The following RGS3 variants were observed in gnomAD, a reference collection of about 807,000 sequenced individuals.
RGS3 encodes regulator of G-protein signalling 3.
In RGS3, 80 loss-of-function variants were observed where a neutral mutation model predicts 132.6. The ratio of observed to expected loss-of-function variants is 0.60; its 90% CI spans 0.50 to 0.73. RGS3 has a LOEUF of 0.73. RGS3 is among the 30% of genes least tolerant of loss of function. The pLI is 0.00. For missense variants in RGS3, 1,382 were observed against 1,530.8 expected (o/e 0.90, Z 1.62); for synonymous variants, 598 against 620.6 (o/e 0.96, Z 0.54).
intron 10 of RGS3, chr9:113,501,633 G>A: frequency 1.3e-6 from 2 of 1,561,978 alleles, no homozygotes; most frequent in Non-Finnish European, 1.7e-6. Flanking sequence ...ACCGCCAGGT[G>A]GGTGCTTGGC....
chr9:113,571,204 C>T (rs956867109), intron 19 of RGS3, among the ~76,000 whole-genome samples: 6 of 152,212 alleles, frequency 3.9e-5, no homozygotes, highest in Non-Finnish European at 7.3e-5. Flanking sequence ...AATGGTGCTG[C>T]TATGAATATT....
intron 7 of RGS3, among the ~76,000 whole-genome samples, chr9:113,492,115 C>A (rs1237821387): frequency 6.6e-6 from 1 of 152,148 alleles, no homozygotes; most frequent in Non-Finnish European, 1.5e-5. Flanking sequence ...AATGGTATAA[C>A]CCTGTAACAG....
chr9:113,456,160 A>T (rs1029272973), upstream of RGS3, among the ~76,000 whole-genome samples: 1 of 151,908 alleles, frequency 6.6e-6, no homozygotes, highest in Non-Finnish European at 1.5e-5. Context: ...CTGTTTTTTC[A>T]GTTGGTACTA....
intron 19 of RGS3, among the ~76,000 whole-genome samples, chr9:113,555,151 T>G (rs1373703590): frequency 1.3e-5 from 2 of 152,226 alleles, no homozygotes; most frequent in Non-Finnish European, 2.9e-5. Context: ...CTCTTTGATC[T>G]GTCTATTCCT....
intron 19 of RGS3, among the ~76,000 whole-genome samples, chr9:113,575,232 C>T (rs1362812946): frequency 2.0e-5 from 3 of 152,198 alleles, no homozygotes; most frequent in Non-Finnish European, 2.9e-5. Flanking sequence ...GGAAGGTTTT[C>T]TGAGGGGGCC....
At chr9:113,454,651 A>C (rs536411537) in intron 1 of RGS3, among the ~76,000 whole-genome samples, 2 of 151,240 alleles carry the variant, frequency 1.3e-5, no homozygotes, top group South Asian at 4.2e-4. Flanking sequence ...AAAATCAAAA[A>C]CAGTTTGATC....
At chr9:113,461,891 C>T (rs1564445912) in intron 2 of RGS3, 1 of 1,606,528 alleles carries the variant, frequency 6.2e-7, no homozygotes, top group East Asian at 2.2e-5. Flanking sequence ...ATCACCTTCC[C>T]TTTTCCCTGT....
intron 3 of RGS3, among the ~76,000 whole-genome samples, chr9:113,477,219 A>T: frequency 6.8e-6 from 1 of 148,110 alleles, no homozygotes; most frequent in Non-Finnish European, 1.5e-5. Context: ...AGAGTGCCAT[A>T]ACCCCTGTTA....
intron 19 of RGS3, among the ~76,000 whole-genome samples, chr9:113,554,421 T>G (rs1425696238): frequency 6.6e-6 from 1 of 152,248 alleles, no homozygotes; most frequent in Non-Finnish European, 1.5e-5. Flanking sequence ...TTCTCCTGCC[T>G]CAGCCTCCTG....
chr9:113,489,419 A>G (rs980258109), intron 7 of RGS3, among the ~76,000 whole-genome samples: 1 of 152,186 alleles, frequency 6.6e-6, no homozygotes, highest in African/African-American at 2.4e-5. Flanking sequence ...ATTACGGTAC[A>G]CTTGACCATC....
intron 4 of RGS3, among the ~76,000 whole-genome samples, chr9:113,481,665 C>T (rs531380079): frequency 2.2e-4 from 33 of 152,360 alleles, no homozygotes; most frequent in South Asian, 1.2e-3. Context: ...CCCTTCCCAC[C>T]GGTCCCCACT....
intron 19 of RGS3, among the ~76,000 whole-genome samples, chr9:113,551,190 A>G (rs1336641246): frequency 6.6e-6 from 1 of 152,196 alleles, no homozygotes; most frequent in Non-Finnish European, 1.5e-5. Context: ...AGATTTGCCT[A>G]TATTGGACAT....
At chr9:113,541,868 C>G (rs1832917691) in intron 19 of RGS3, 2 of 986,666 alleles carry the variant, frequency 2.0e-6, no homozygotes, top group Non-Finnish European at 2.4e-6. Flanking sequence ...TTGGCTCATT[C>G]ATTCGATGGA....
intron 20 of RGS3, among the ~76,000 whole-genome samples, chr9:113,587,507 G>A (rs1259150712): frequency 2.6e-5 from 4 of 152,194 alleles, no homozygotes; most frequent in African/African-American, 9.7e-5. Flanking sequence ...CTTATTAATG[G>A]AACACGGAGT....
chr9:113,575,940 G>A (rs59789787), intron 19 of RGS3, among the ~76,000 whole-genome samples: 3 of 152,276 alleles, frequency 2.0e-5, no homozygotes, highest in East Asian at 3.9e-4. Context: ...TGCAGGTTCC[G>A]ATCCAGTGGG....
Position 113,591,296 on chromosome 9 carries a change from G to C in RGS3, c.3016-37G>C, listed in dbSNP as rs1363137768. 1 of 1,598,404 alleles carries C rather than the reference G, an allele frequency of 6.3e-7. No homozygotes were observed. The highest frequency in any genetic ancestry group is 8.6e-7 in the Non-Finnish European group (1 of 1,167,038). ...TGTTTACTTAGGCAGGAGTTCCTGG[G>C]TGCCCAGACTGCATCGTGTCTGTCT... On this transcript the variant is annotated intron_variant, in intron 20 of 24. Transcript: ENST00000350696. The surrounding 1 kb of genome is among the most constrained non-coding windows in gnomAD (Gnocchi z 4.4).
At chr9:113,570,137 G>A (rs912858803) in intron 19 of RGS3, 2 of 152,176 alleles carry the variant, frequency 1.3e-5, no homozygotes, top group African/African-American at 4.8e-5. Flanking sequence ...CTCAAGCAGT[G>A]GTCTAGCCTC....
At position 113,535,582 on chromosome 9, in the gene RGS3, T is replaced by C. The variant is rs183731012; in HGVS notation, c.1915-1214T>C. On this transcript the variant is annotated intron_variant, in intron 18 of 24. Coordinates refer to ENST00000350696, the Ensembl canonical transcript of RGS3. Reference sequence around the variant, plus strand: ...CCTCCTAGTAGCTCTGAAAGCCAGGTGATGCCATTATATCCCCATTTCACA... The same window carrying C: ...CCTCCTAGTAGCTCTGAAAGCCAGGCGATGCCATTATATCCCCATTTCACA... Among the ~76,000 whole-genome samples the C allele has an allele frequency of 2.9e-4, 44 of 152,320 alleles. No individual in the cohort carries two copies. The East Asian group carries it at 8.1e-3, about 28-fold the overall frequency.
At chr9:113,548,910 GC>G (rs1335867663) in intron 19 of RGS3, among the ~76,000 whole-genome samples, 1 of 152,202 alleles carries the variant, frequency 6.6e-6, no homozygotes, top group Non-Finnish European at 1.5e-5. Flanking sequence ...CGCCTGGCAG[GC>G]GAGGAGTCCC....
Sources: allele counts gnomAD v4.1 joint callset (sites outside exome capture counted in the v4.1 genomes callset), GRCh38; gene constraint gnomAD v4.1.1; non-coding constraint Gnocchi (gnomAD v3.1); transcripts MANE v1.5; gene names NCBI Gene and HGNC (gene_info 2026-07-23, HGNC 2026-07-21).